KCNJ5: variants seen among roughly 807,000 people sequenced by gnomAD.
The protein encoded by KCNJ5 is potassium inwardly rectifying channel subfamily J member 5.
KCNJ5 carries 12 observed loss-of-function variants against 20.2 expected under a neutral mutation model. That is an observed-to-expected ratio of 0.59 (90% confidence interval 0.38 to 0.96). The LOEUF (loss-of-function observed/expected upper bound fraction) is 0.96, where lower values mean the gene tolerates loss of function less well. Among genes scored for constraint, KCNJ5 ranks in the 40% least tolerant of loss-of-function variants. The pLI is 0.00. For synonymous variants in KCNJ5, 210 were observed against 213.9 expected, an observed-to-expected ratio of 0.98 and a Z score of 0.16; for missense variants, 449 against 557.6, an observed-to-expected ratio of 0.81 and a Z score of 1.96.
Position 128,920,231 on chromosome 11 carries a change from C to G in KCNJ5, c.*3500C>G, listed in dbSNP as rs1944646958. On this transcript the variant is annotated 3_prime_UTR_variant, in exon 3 of 3. Coordinates refer to ENST00000529694, the MANE Select transcript of KCNJ5 (RefSeq NM_000890.5). ...GGCAGAATGGGCATTGCCTTTGACT[C>G]TCCCCTTCAGACTCCCCTCCCACCG... The G allele has an allele frequency of 6.6e-6, 1 of 152,468 alleles. No individual in the cohort carries two copies. The highest frequency in any genetic ancestry group is 2.4e-5 in the African/African-American group (1 of 41,428). 9.4% of individuals were successfully genotyped at this position (152,468 alleles called of 1,614,324 possible).
Position 128,919,940 on chromosome 11 carries a change from G to A in KCNJ5, c.*3209G>A, listed in dbSNP as rs1029281757. The A allele has an allele frequency of 1.3e-5, 2 of 152,250 alleles. No individual in the cohort carries two copies. Among genetic ancestry groups the A allele is most frequent in the Admixed American group, 6.5e-5 (1 of 15,288 alleles). The allele number at this position is 152,250 out of a possible 1,614,324, so 9.4% of individuals were successfully genotyped here. ...CACATCTGATGGACCCCAGAGAGCT[G>A]AGCCGTGGTTTAAGATGGGGTCATG... is the stretch of plus-strand genomic sequence containing the variant. On this transcript the variant is annotated 3_prime_UTR_variant, in exon 3 of 3. Transcript: ENST00000529694.
chr11:128,911,909 C>G lies in KCNJ5; in HGVS notation c.636C>G (p.Asp212Glu), dbSNP rs749425133. The G allele has an allele frequency of 3.1e-6, 5 of 1,605,458 alleles. No homozygotes were observed. Among genetic ancestry groups the G allele is most frequent in the Non-Finnish European group, 3.4e-6 (4 of 1,173,920 alleles). ...ACAACGCAGTCATCTCCATGCGGGACGAGAAGCTGTGCCTCATGTTCCGGG... is the reference window on the plus strand; with the variant it reads ...ACAACGCAGTCATCTCCATGCGGGAGGAGAAGCTGTGCCTCATGTTCCGGG... Reference protein sequence around the residue: ...FSNNAVISMRDEKLCLMFRVG... With the variant: ...FSNNAVISMREEKLCLMFRVG... Residue 212 changes from aspartate (D) to glutamate (E), a missense_variant, in exon 2 of 3, where the codon GAC becomes GAG. Physicochemically the swap from Asp to Glu is conservative, Grantham distance 45. This residue lies in a region of KCNJ5 where 145 missense variants were observed against 166.2 expected (regional missense o/e 0.87). Coordinates refer to ENST00000529694, the MANE Select transcript of KCNJ5 (RefSeq NM_000890.5). The surrounding 1 kb of genome is among the most constrained non-coding windows in gnomAD (Gnocchi z 6.3).
chr11:128,901,882 A>T (rs1944288406), intron 1 of KCNJ5: 1 of 152,774 alleles, frequency 6.5e-6, no homozygotes, highest in Non-Finnish European at 1.5e-5. Flanking sequence ...GCAATCAGAG[A>T]ACGCTGTGTG....
chr11:128,899,346 G>A (rs1944228345), intron 1 of KCNJ5, among the ~76,000 whole-genome samples: 1 of 152,166 alleles, frequency 6.6e-6, no homozygotes, highest in Non-Finnish European at 1.5e-5. Context: ...ATAATTACTG[G>A]GATTTTACCT....
chr11:128,902,804 C>T, intron 1 of KCNJ5: 1 of 1,409,252 alleles, frequency 7.1e-7, no homozygotes, highest in Non-Finnish European at 9.6e-7. Context: ...CAACGCAGCC[C>T]AACATGTCCA....
At chr11:128,896,886 T>G (rs1409820346) in intron 1 of KCNJ5, among the ~76,000 whole-genome samples, 1 of 151,972 alleles carries the variant, frequency 6.6e-6, no homozygotes, top group Non-Finnish European at 1.5e-5. Context: ...GTATGTTTAG[T>G]TTTTTTTATT....
intron 1 of KCNJ5, among the ~76,000 whole-genome samples, chr11:128,892,817 C>G (rs559398262): frequency 1.1e-4 from 17 of 152,252 alleles, no homozygotes; most frequent in Admixed American, 1.1e-3. Flanking sequence ...ACCAAGGTGC[C>G]GAGCTATATA....
At position 128,902,525 on chromosome 11, in the gene KCNJ5, G is replaced by C. The variant is rs150014706; in HGVS notation, c.-10-8739G>C. The C allele has an allele frequency of 9.0e-3, 14,126 of 1,571,076 alleles. 92 individuals carry two copies. Among genetic ancestry groups the C allele is most frequent in the Middle Eastern group, 0.044 (212 of 4,846 alleles). ...GCCGTCTGCATGGGGGAGGGGGCTGGGGAGCACAGGGCTATTGGCAAGGAG... is the reference window on the plus strand; with the variant it reads ...GCCGTCTGCATGGGGGAGGGGGCTGCGGAGCACAGGGCTATTGGCAAGGAG... On this transcript the variant is annotated intron_variant, in intron 1 of 2. Coordinates refer to ENST00000529694, the MANE Select transcript of KCNJ5 (RefSeq NM_000890.5).
intron 1 of KCNJ5, among the ~76,000 whole-genome samples, chr11:128,905,332 C>T (rs1271563525): frequency 6.6e-6 from 1 of 152,252 alleles, no homozygotes; most frequent in Non-Finnish European, 1.5e-5. Context: ...CAGGGGGCCA[C>T]ACCCAGGCGT....
rs566641385 is a variant in KCNJ5 at position 128,904,904 on chromosome 11, T to G, written c.-10-6360T>G. Among the ~76,000 whole-genome samples, 4 of 152,306 alleles carry G rather than the reference T, an allele frequency of 2.6e-5. No homozygotes were observed. In the East Asian group the frequency reaches 7.7e-4, roughly 29 times the overall value. ...AAAAATAGACACAGACCTAAGTTGA[T>G]AGAACAAATAGCTGCAAAATGGTGC... is the stretch of plus-strand genomic sequence containing the variant. On this transcript the variant is annotated intron_variant, in intron 1 of 2. Transcript: ENST00000529694.
chr11:128,905,279 C>A (rs573430193), intron 1 of KCNJ5, among the ~76,000 whole-genome samples: 17 of 152,120 alleles, frequency 1.1e-4, no homozygotes, highest in Non-Finnish European at 2.1e-4. Flanking sequence ...CACCCCGCAT[C>A]CCCCAGCCCC....
intron 1 of KCNJ5, among the ~76,000 whole-genome samples, chr11:128,893,838 T>A (rs552949723): frequency 1.3e-5 from 2 of 152,380 alleles, no homozygotes; most frequent in African/African-American, 4.8e-5. Flanking sequence ...TGGCAAGTCC[T>A]GAGCAGTGCA....
chr11:128,893,566 T>A (rs2135980936), intron 1 of KCNJ5, among the ~76,000 whole-genome samples: 1 of 152,310 alleles, frequency 6.6e-6, no homozygotes, highest in East Asian at 1.9e-4. Context: ...AACCAGCCAC[T>A]CAGGCATGGC....
intron 1 of KCNJ5, among the ~76,000 whole-genome samples, chr11:128,903,076 C>T (rs1366026978): frequency 2.0e-5 from 3 of 152,138 alleles, no homozygotes; most frequent in Non-Finnish European, 4.4e-5. Flanking sequence ...TAGCAGCTGC[C>T]GCTTTAGAAC....
chr11:128,916,092 GGATA>G (rs1944575530), intron 2 of KCNJ5, among the ~76,000 whole-genome samples: 1 of 141,648 alleles, frequency 7.1e-6, no homozygotes, highest in Non-Finnish European at 1.5e-5. Context: ...ATATCTGGAT[GGATA>G]GATAATTGGA....
chr11:128,911,694 C>G lies in KCNJ5; in HGVS notation c.421C>G (p.Leu141Val). 6.2e-7 allele frequency: 1 copy of G among 1,614,218 alleles called. No individual in the cohort carries two copies. Among genetic ancestry groups the G allele is most frequent in the South Asian group, 1.1e-5 (1 of 91,082 alleles). Residue 141 changes from leucine (L) to valine (V), a missense_variant, in exon 2 of 3, where the codon CTG (leucine) becomes GTG (valine). Leu to Val is a conservative substitution (Grantham distance 32). Around this residue, in one of 5 missense-constraint regions of KCNJ5, gnomAD observed 203 missense variants for 258.0 expected, o/e 0.79. Coordinates refer to ENST00000529694, the MANE Select transcript of KCNJ5 (RefSeq NM_000890.5). This position sits in a 1 kb window ranked among gnomAD's most constrained non-coding sequence, Gnocchi z 6.3. ...CCTCAGTGGCTTCGTGTCCGCTTTC[C>G]TGTTCTCCATTGAGACCGAAACAAC... ...ENLSGFVSAFLFSIETETTIG... is the reference protein window; with the variant it reads ...ENLSGFVSAFVFSIETETTIG...
intron 1 of KCNJ5, among the ~76,000 whole-genome samples, chr11:128,906,971 G>A (rs1297195488): frequency 1.3e-5 from 2 of 152,170 alleles, no homozygotes; most frequent in Non-Finnish European, 2.9e-5. Context: ...TTACATTCAA[G>A]TGTAACACCT....
Position 128,917,807 on chromosome 11 carries a change from GC to G in KCNJ5, c.*1077del, listed in dbSNP as rs1944609375. 6.6e-6 allele frequency: 1 copy of G among 152,444 alleles called. No homozygotes were observed. The highest frequency in any genetic ancestry group is 2.1e-4 in the South Asian group (1 of 4,830). The allele number at this position is 152,444 out of a possible 1,614,324, so 9.4% of individuals were successfully genotyped here. On this transcript the variant is annotated 3_prime_UTR_variant, in exon 3 of 3. Transcript: ENST00000529694. ...AAGATGGCTCACGCCTGTGATCCCA[GC>G]ATTTTGGGAGGCCGAGGCGGGTGGA... is the stretch of plus-strand genomic sequence containing the variant.
chr11:128,911,427 C>T lies in KCNJ5; in HGVS notation c.154C>T (p.Arg52Cys), dbSNP rs1170740594. The T allele has an allele frequency of 6.8e-6, 11 of 1,614,106 alleles. No individual in the cohort carries two copies. Among genetic ancestry groups the T allele is most frequent in the South Asian group, 2.2e-5 (2 of 91,090 alleles). The stretch of plus-strand genomic sequence containing the variant: ...GGCCGAGGGCAAGAAGCCACGCCAG[C>T]GCTACATGGAGAAGAGTGGCAAGTG... ...LLAEGKKPRQ[R>C]YMEKSGKCNV... The change falls in exon 2 of 3, where the codon CGC becomes TGC. Residue 52 changes from arginine (R) to cysteine (C), a missense_variant. Transcript: ENST00000529694. The surrounding 1 kb of genome is among the most constrained non-coding windows in gnomAD (Gnocchi z 6.3).
Sources: gnomAD v4.1 joint callset for allele counts (sites outside exome capture counted in the v4.1 genomes callset) on GRCh38, gnomAD v4.1.1 for gene constraint, gnomAD v4.1.1 regional missense constraint, Gnocchi (gnomAD v3.1) non-coding constraint, MANE v1.5 for transcripts, NCBI Gene and HGNC (gene_info 2026-07-23, HGNC 2026-07-21) for gene names.